CREB5: variants seen among roughly 807,000 people sequenced by gnomAD.
CREB5 encodes the protein cAMP responsive element binding protein 5, also known as cyclic AMP-responsive element-binding protein 5.
A neutral mutation model predicts 57.1 loss-of-function variants in CREB5; 19 were observed. The ratio of observed to expected loss-of-function variants is 0.33; its 90% confidence interval spans 0.23 to 0.49. The LOEUF is 0.49. Among genes scored for constraint, CREB5 ranks in the 20% least tolerant of loss-of-function variants. The pLI is 0.99. For synonymous variants in CREB5, 238 were observed against 238.3 expected, an observed-to-expected ratio of 1.00 and a Z score of 0.01; for missense variants, 579 against 671.6, an observed-to-expected ratio of 0.86 and a Z score of 1.52.
intron 1 of CREB5, among the ~76,000 whole-genome samples, chr7:28,301,797 G>C (rs1302232489): frequency 6.6e-6 from 1 of 152,194 alleles, no homozygotes; most frequent in Non-Finnish European, 1.5e-5. Context: ...GGATGCACAA[G>C]GCATATTCAT....
intron 1 of CREB5, among the ~76,000 whole-genome samples, chr7:28,335,556 C>A (rs1263150129): frequency 1.3e-5 from 2 of 151,976 alleles, no homozygotes; most frequent in East Asian, 3.8e-4. Flanking sequence ...TTGTATCCTG[C>A]AACTTTACTG....
At chr7:28,428,217 A>G (rs1562709622) in intron 1 of CREB5, among the ~76,000 whole-genome samples, 1 of 152,176 alleles carries the variant, frequency 6.6e-6, no homozygotes, top group Admixed American at 6.6e-5. Flanking sequence ...AAGCAGATGT[A>G]GAGACAAGGA....
At chr7:28,566,482 T>C (rs1795484547) in intron 4 of CREB5, among the ~76,000 whole-genome samples, 1 of 152,230 alleles carries the variant, frequency 6.6e-6, no homozygotes, top group Non-Finnish European at 1.5e-5. Context: ...CATCTACCCC[T>C]CTGTACTATC....
At chr7:28,743,731 G>C (rs1353656484) in intron 7 of CREB5, among the ~76,000 whole-genome samples, 2 of 151,764 alleles carry the variant, frequency 1.3e-5, no homozygotes, top group Non-Finnish European at 2.9e-5. Flanking sequence ...GCTGTGCGGG[G>C]AAGAATCTGT....
intron 1 of CREB5, among the ~76,000 whole-genome samples, chr7:28,354,492 A>T (rs535743849): frequency 6.6e-6 from 1 of 152,282 alleles, no homozygotes; most frequent in African/African-American, 2.4e-5. Context: ...CTCAGCTTGC[A>T]GACGGCGTAT....
At chr7:28,560,886 G>GTGCGCGTC (rs1795143642) in intron 4 of CREB5, among the ~76,000 whole-genome samples, 4 of 24,608 alleles carry the variant, frequency 1.6e-4, no homozygotes, top group African/African-American at 1.1e-3. Flanking sequence ...GTGCGTGCGT[G>GTGCGCGTC]CGTGTGTGTG....
intron 5 of CREB5, among the ~76,000 whole-genome samples, chr7:28,582,543 C>T (rs955484960): frequency 1.3e-5 from 2 of 152,052 alleles, no homozygotes; most frequent in African/African-American, 2.4e-5. Flanking sequence ...TTCATATTTC[C>T]GTGGTGGATT....
At chr7:28,508,605 T>C (rs1792578404) in intron 4 of CREB5, among the ~76,000 whole-genome samples, 1 of 152,184 alleles carries the variant, frequency 6.6e-6, no homozygotes, top group South Asian at 2.1e-4. Flanking sequence ...AGCCTTTTAG[T>C]CCTTGTCTAT....
chr7:28,605,505 A>G (rs891910506), intron 5 of CREB5, among the ~76,000 whole-genome samples: 2 of 152,210 alleles, frequency 1.3e-5, no homozygotes, highest in African/African-American at 4.8e-5. Context: ...CATGCATGGA[A>G]TTCCCTTATT....
intron 1 of CREB5, among the ~76,000 whole-genome samples, chr7:28,484,658 T>G (rs1406926827): frequency 2.0e-5 from 3 of 152,226 alleles, no homozygotes; most frequent in Non-Finnish European, 4.4e-5. Flanking sequence ...ATCCGTGGCA[T>G]GTAATACATT....
At chr7:28,443,751 C>T (rs926118798) in intron 1 of CREB5, among the ~76,000 whole-genome samples, 1 of 152,216 alleles carries the variant, frequency 6.6e-6, no homozygotes, top group African/African-American at 2.4e-5. Flanking sequence ...CTCATCTTGC[C>T]TCCCCACCTT....
chr7:28,752,702 T>A (rs1488665873), intron 7 of CREB5, among the ~76,000 whole-genome samples: 3 of 152,208 alleles, frequency 2.0e-5, no homozygotes, highest in Admixed American at 1.3e-4. Context: ...ATGTTAACAG[T>A]TAACTTTTTG....
At chr7:28,421,886 TA>T (rs1377541521) in intron 1 of CREB5, among the ~76,000 whole-genome samples, 36 of 143,250 alleles carry the variant, frequency 2.5e-4, no homozygotes, top group Non-Finnish European at 4.4e-4. Context: ...GGTATATATA[TA>T]AAATACCATA....
intron 5 of CREB5, among the ~76,000 whole-genome samples, chr7:28,626,683 C>T (rs1300478451): frequency 6.6e-6 from 1 of 152,116 alleles, no homozygotes; most frequent in Non-Finnish European, 1.5e-5. Flanking sequence ...GCAAATAGAT[C>T]GTCCTCTTTA....
At chr7:28,751,165 G>C (rs1440088079) in intron 7 of CREB5, among the ~76,000 whole-genome samples, 1 of 137,948 alleles carries the variant, frequency 7.2e-6, no homozygotes, top group Non-Finnish European at 1.6e-5. Context: ...GGAAGCGTCA[G>C]GAAGCAAAAG....
intron 7 of CREB5, among the ~76,000 whole-genome samples, chr7:28,758,108 C>T (rs1454450188): frequency 1.3e-5 from 2 of 152,136 alleles, no homozygotes; most frequent in Non-Finnish European, 2.9e-5. Context: ...CATGGTACAG[C>T]AGTAGAAGCA....
intron 5 of CREB5, among the ~76,000 whole-genome samples, chr7:28,597,810 G>T (rs528496081): frequency 2.6e-5 from 4 of 152,280 alleles, no homozygotes; most frequent in South Asian, 4.1e-4. Context: ...GGTCTCCAAA[G>T]CATGGGAGAA....
intron 1 of CREB5, among the ~76,000 whole-genome samples, chr7:28,345,456 A>G (rs1381019778): frequency 6.6e-6 from 1 of 152,204 alleles, no homozygotes; most frequent in Non-Finnish European, 1.5e-5. Context: ...CACTTACTGT[A>G]TAACAGGGTT....
chr7:28,475,029 A>T (rs966128930), intron 1 of CREB5, among the ~76,000 whole-genome samples: 1 of 152,216 alleles, frequency 6.6e-6, no homozygotes, highest in African/African-American at 2.4e-5. Flanking sequence ...GGCTTTCCAC[A>T]TATATAAACC....
Sources: allele counts gnomAD v4.1 joint callset (sites outside exome capture counted in the v4.1 genomes callset), GRCh38; gene constraint gnomAD v4.1.1; transcripts MANE v1.5; gene names NCBI Gene and HGNC (gene_info 2026-07-23, HGNC 2026-07-21).